The following EPHB1 variants were observed in gnomAD, a reference collection of about 807,000 sequenced individuals.
EPHB1 encodes ephrin type-B receptor 1.
A neutral mutation model predicts 94.4 loss-of-function variants in EPHB1; 30 were observed. The observed-to-expected ratio is 0.32, with a 90% CI of 0.24 to 0.43. The LOEUF is 0.43. Ranked by LOEUF, EPHB1 falls within the 20% of genes least tolerant of loss-of-function variation. EPHB1 has a pLI of 1.00. For missense variants in EPHB1, 1,055 were observed against 1,308.3 expected (o/e 0.81, Z 2.99); for synonymous variants, 522 against 489.1 (o/e 1.07, Z -0.89).
chr3:135,036,382 C>A (rs114720061), intron 3 of EPHB1, among the ~76,000 whole-genome samples: 2 of 152,146 alleles, frequency 1.3e-5, no homozygotes, highest in African/African-American at 4.8e-5. Flanking sequence ...CCATCCAAAC[C>A]GGTCAGGATG....
At chr3:135,054,545 G>C (rs1486253279) in intron 3 of EPHB1, among the ~76,000 whole-genome samples, 1 of 152,144 alleles carries the variant, frequency 6.6e-6, no homozygotes, top group Admixed American at 6.5e-5. Flanking sequence ...CAACTGTCCA[G>C]AGCACAGAGC....
rs11721071 is a variant in EPHB1 at position 135,227,019 on chromosome 3, G to A, written c.2347-14129G>A. ...ATAATAGACACTGCAGACTACTGAA[G>A]GGTGGGGGACCAGGGAGACATGGAT... On this transcript the variant is annotated intron_variant, in intron 12 of 15. Transcript: ENST00000398015. Among the ~76,000 whole-genome samples the A allele has an allele frequency of 2.6e-5, 4 of 152,270 alleles. No homozygotes were observed. The East Asian group carries it at 5.8e-4, about 22-fold the overall frequency.
intron 3 of EPHB1, among the ~76,000 whole-genome samples, chr3:135,056,225 G>A (rs562422918): frequency 3.3e-5 from 5 of 152,348 alleles, no homozygotes; most frequent in African/African-American, 1.2e-4. Flanking sequence ...CTACCACTGT[G>A]CATGAAGAAG....
intron 2 of EPHB1, among the ~76,000 whole-genome samples, chr3:134,932,549 A>C (rs896662196): frequency 1.3e-5 from 2 of 152,056 alleles, no homozygotes; most frequent in South Asian, 4.2e-4. Context: ...CTGGATCTGC[A>C]CTCCCTGCCT....
intron 1 of EPHB1, among the ~76,000 whole-genome samples, chr3:134,813,047 A>G (rs923163490): frequency 6.6e-6 from 1 of 152,228 alleles, no homozygotes; most frequent in East Asian, 1.9e-4. Context: ...CCGAGAAGAC[A>G]TAATTTGTAC....
At chr3:134,989,612 C>G (rs1161445928) in intron 3 of EPHB1, among the ~76,000 whole-genome samples, 1 of 152,084 alleles carries the variant, frequency 6.6e-6, no homozygotes, top group Non-Finnish European at 1.5e-5. Context: ...GCTATCTTCA[C>G]TGTAACTAGA....
rs2037482104 is a variant in EPHB1 at position 134,870,716 on chromosome 3, A to G, written c.59-55100A>G. Among the ~76,000 whole-genome samples, 4 of 152,376 alleles carry G rather than the reference A, an allele frequency of 2.6e-5. No individual in the cohort carries two copies. The Middle Eastern group carries it at 0.01, about 389-fold the overall frequency. On this transcript the variant is annotated intron_variant, in intron 1 of 15. Transcript: ENST00000398015. ...CTGAATAGACTCAGAAGTTCTGTCA[A>G]TACAATGGGGACAAAATACCTACTG...
At chr3:134,804,200 C>T (rs1257756961) in intron 1 of EPHB1, among the ~76,000 whole-genome samples, 3 of 146,218 alleles carry the variant, frequency 2.1e-5, no homozygotes, top group African/African-American at 7.5e-5. Context: ...TACAGTTCCA[C>T]ATGGCTGGGG....
intron 1 of EPHB1, among the ~76,000 whole-genome samples, chr3:134,831,400 G>A (rs978119695): frequency 2.0e-5 from 3 of 152,110 alleles, no homozygotes; most frequent in Admixed American, 6.5e-5. Context: ...AGATACTCTC[G>A]GGCCATGGCC....
chr3:135,198,974 T>G (rs1254683209), intron 11 of EPHB1, among the ~76,000 whole-genome samples: 1 of 152,224 alleles, frequency 6.6e-6, no homozygotes, highest in East Asian at 1.9e-4. Context: ...TGGTCTTTTT[T>G]GACCCCAGAA....
At chr3:134,870,180 G>T (rs564505039) in intron 1 of EPHB1, among the ~76,000 whole-genome samples, 1 of 152,110 alleles carries the variant, frequency 6.6e-6, no homozygotes, top group Non-Finnish European at 1.5e-5. Context: ...GTGAGATCAG[G>T]CCTTCCTGAG....
At chr3:135,070,341 G>T (rs1414258979) in intron 3 of EPHB1, among the ~76,000 whole-genome samples, 2 of 152,174 alleles carry the variant, frequency 1.3e-5, no homozygotes, top group African/African-American at 4.8e-5. Flanking sequence ...GCATTCCTCT[G>T]TTGGGCAGCA....
intron 2 of EPHB1, among the ~76,000 whole-genome samples, chr3:134,949,165 C>T (rs977810608): frequency 2.6e-5 from 4 of 152,094 alleles, no homozygotes; most frequent in Non-Finnish European, 5.9e-5. Flanking sequence ...ATCATGATGG[C>T]CTGTGTGTCC....
intron 15 of EPHB1, among the ~76,000 whole-genome samples, chr3:135,257,509 G>T (rs1933452753): frequency 6.6e-6 from 1 of 152,144 alleles, no homozygotes; most frequent in Non-Finnish European, 1.5e-5. Flanking sequence ...GCTGGGGGGT[G>T]CCTCCCAGTT....
chr3:135,000,322 T>C (rs909154890), intron 3 of EPHB1, among the ~76,000 whole-genome samples: 1 of 152,206 alleles, frequency 6.6e-6, no homozygotes, highest in Non-Finnish European at 1.5e-5. Context: ...TGATGAGGCA[T>C]CATCTCTGCC....
At position 135,033,125 on chromosome 3, in the gene EPHB1, G is replaced by A. The variant is rs577508432; in HGVS notation, c.806-73323G>A. On this transcript the variant is annotated intron_variant, in intron 3 of 15. Coordinates refer to ENST00000398015, the MANE Select transcript of EPHB1 (RefSeq NM_004441.5). The stretch of plus-strand genomic sequence containing the variant: ...ACTAGCACTAGGAGCAGTGACCACC[G>A]TAATAACTGATGGACTTCAATGCAG... 1.1e-4 allele frequency among the ~76,000 whole-genome samples: 17 copies of A among 152,320 alleles called. No individual in the cohort carries two copies. The South Asian group carries it at 2.3e-3, about 20-fold the overall frequency.
intron 10 of EPHB1, among the ~76,000 whole-genome samples, chr3:135,190,588 C>T (rs1331088957): frequency 1.3e-5 from 2 of 152,152 alleles, no homozygotes; most frequent in African/African-American, 4.8e-5. Context: ...TGTGACAGGT[C>T]TGTATTGTCT....
Position 135,165,984 on chromosome 3 carries a change from G to A in EPHB1, c.1602G>A (p.Glu534=), listed in dbSNP as rs1941641228. The change falls in exon 8 of 16, where the codon GAG becomes GAA. Residue 534 remains glutamate (E), a synonymous_variant. Coordinates refer to ENST00000398015, the MANE Select transcript of EPHB1 (RefSeq NM_004441.5). ...QTLTDDDYKS[E]LREQLPLIAG... is the part of the protein sequence containing the mutation. ...CTCACCTAGATGATTACAAGTCAGA[G>A]CTGAGGGAGCAGCTGCCCCTGATTG... is the stretch of plus-strand genomic sequence containing the variant. 6.2e-7 allele frequency: 1 copy of A among 1,613,852 alleles called. No individual in the cohort carries two copies. The highest frequency in any genetic ancestry group is 1.3e-5 in the African/African-American group (1 of 74,920).
intron 3 of EPHB1, among the ~76,000 whole-genome samples, chr3:134,953,422 C>T (rs1421187209): frequency 7.9e-5 from 12 of 152,256 alleles, no homozygotes; most frequent in Admixed American, 7.8e-4. Flanking sequence ...GAGAGAGTGC[C>T]AGATCTTAGA....
Sources: gnomAD v4.1 joint callset for allele counts (sites outside exome capture counted in the v4.1 genomes callset) on GRCh38, gnomAD v4.1.1 for gene constraint, MANE v1.5 for transcripts, NCBI Gene and HGNC (gene_info 2026-07-23, HGNC 2026-07-21) for gene names.